ZDHHC8: variants seen among roughly 807,000 people sequenced by gnomAD.
ZDHHC8 encodes zDHHC palmitoyltransferase 8.
Under a neutral mutation model 61.2 loss-of-function variants are expected in ZDHHC8, and 24 were observed. The observed-to-expected ratio is 0.39, with a 90% CI of 0.28 to 0.55. The LOEUF (loss-of-function observed/expected upper bound fraction) is 0.55. Ranked by LOEUF, ZDHHC8 falls within the 20% of genes least tolerant of loss-of-function variation. The probability of loss-of-function intolerance (pLI) is 0.60; values close to 1 mark genes in which losing one functional copy is unlikely to be tolerated. For synonymous variants in ZDHHC8, 523 were observed against 492.5 expected, an observed-to-expected ratio of 1.06 and a Z score of -0.82; for missense variants, 935 against 1,102.1, an observed-to-expected ratio of 0.85 and a Z score of 2.15.
intron 5 of ZDHHC8, 120 bp from the exon 6 acceptor site, chr22:20,140,497 A>T: frequency 1.8e-6 from 2 of 1,108,630 alleles, no homozygotes; most frequent in Non-Finnish European, 2.5e-6. Context: ...GGCTGATCCC[A>T]CCTAAGCCAC....
intron 1 of ZDHHC8, among the ~76,000 whole-genome samples, chr22:20,132,786 G>T (rs1167836769): frequency 2.6e-5 from 4 of 152,248 alleles, no homozygotes; most frequent in Non-Finnish European, 5.9e-5. Flanking sequence ...GATACAGGCT[G>T]GCTTAGGACC....
intron 1 of ZDHHC8, among the ~76,000 whole-genome samples, chr22:20,132,524 GGCCTC>G (rs1294720660): frequency 5.3e-5 from 8 of 152,248 alleles, no homozygotes; most frequent in Non-Finnish European, 7.3e-5. Flanking sequence ...GGTGTGGCCT[GGCCTC>G]GTTGCCACGT....
chr22:20,145,295 G>A lies in ZDHHC8; in HGVS notation c.2193G>A (p.Leu731=). Residue 731 remains leucine, a synonymous_variant, in exon 11 of 11, where the codon CTG becomes CTA. Transcript: ENST00000334554. ...LNGQSPGLAR[L]GPATGPPGPS... ...GGCAGTCCCCGGGCCTGGCCCGGCT[G>A]GGACCTGCCACCGGCCCCCCAGGGC... 6.3e-7 allele frequency: 1 copy of A among 1,590,930 alleles called. No homozygotes were observed.
Position 20,146,411 on chromosome 22 carries a change from A to G in ZDHHC8, c.*1011A>G, listed in dbSNP as rs1380920897. ...GTGTCTGTTTTATGTTTTTATATCT[A>G]CATCTATATATCTATAATTTTATTA... On this transcript the variant is annotated 3_prime_UTR_variant, in exon 11 of 11. Transcript: ENST00000334554. 5 of 984,124 alleles carry G rather than the reference A, an allele frequency of 5.1e-6. No individual in the cohort carries two copies. Among genetic ancestry groups the G allele is most frequent in the South Asian group, 4.7e-5 (1 of 21,268 alleles). 61.0% of individuals were successfully genotyped at this position (984,124 alleles called of 1,614,324 possible). A position where few individuals can be genotyped will look rare whatever the true frequency, so the allele number is the denominator to read the frequency against.
rs111475928 is a variant in ZDHHC8 at position 20,138,822 on chromosome 22, C to T, written c.105-372C>T. On this transcript the variant is annotated intron_variant, in intron 1 of 10. Coordinates refer to ENST00000334554, the MANE Select transcript of ZDHHC8 (RefSeq NM_013373.4). The stretch of plus-strand genomic sequence containing the variant: ...GACAGGCCTGGATGAGGCATCGTGG[C>T]GCATTTTCCATCTGGGGCTCCCACC... 1.0e-3 allele frequency among the ~76,000 whole-genome samples: 156 copies of T among 152,270 alleles called. 1 individual carries two copies. The highest frequency in any genetic ancestry group is 3.6e-3 in the African/African-American group (151 of 41,546).
In ZDHHC8 at chr22:20,146,247, C is replaced by A; in HGVS notation, c.*847C>A. 2 of 985,590 alleles carry A rather than the reference C, an allele frequency of 2.0e-6. No individual in the cohort carries two copies. The highest frequency in any genetic ancestry group is 2.4e-6 in the Non-Finnish European group (2 of 829,942). 61.1% of individuals were successfully genotyped at this position (985,590 alleles called of 1,614,324 possible). On this transcript the variant is annotated 3_prime_UTR_variant, in exon 11 of 11. Transcript: ENST00000334554. Reference sequence around the variant, plus strand: ...GCCCTCCCTGCCAAACTGGAGAACCCCACCCCAAGGCATGCCACGTCCGCA... The same window carrying A: ...GCCCTCCCTGCCAAACTGGAGAACCACACCCCAAGGCATGCCACGTCCGCA...
At chr22:20,135,245 C>A (rs2050409901) in intron 1 of ZDHHC8, among the ~76,000 whole-genome samples, 2 of 152,110 alleles carry the variant, frequency 1.3e-5, no homozygotes, top group South Asian at 4.1e-4. Context: ...CTCCCGGCCC[C>A]TTCCTATGTT....
Position 20,143,258 on chromosome 22 carries a change from A to T in ZDHHC8, c.1628A>T (p.Asn543Ile). ...PREPSPVRYD[N>I]LSRTIMASIQ... ...GAGCCCTCGCCTGTGCGCTACGACAACCTGTCCAGGACCATCATGGCATCC... is the reference window on the plus strand; with the variant it reads ...GAGCCCTCGCCTGTGCGCTACGACATCCTGTCCAGGACCATCATGGCATCC... The change falls in exon 10 of 11, where the codon AAC becomes ATC. Residue 543 changes from asparagine (N) to isoleucine (I), a missense_variant. By Grantham distance (149) the Asn-to-Ile change is moderately radical (BLOSUM62 -3). Transcript: ENST00000334554. The T allele has an allele frequency of 6.2e-7, 1 of 1,606,238 alleles. No individual in the cohort carries two copies. The highest frequency in any genetic ancestry group is 8.5e-7 in the Non-Finnish European group (1 of 1,179,462).
chr22:20,132,807 G>T lies in ZDHHC8; in HGVS notation c.104+756G>T, dbSNP rs1351450037. 3.3e-5 allele frequency among the ~76,000 whole-genome samples: 5 copies of T among 152,378 alleles called. No homozygotes were observed. In the South Asian group the frequency reaches 8.3e-4, roughly 25 times the overall value. On this transcript the variant is annotated intron_variant, in intron 1 of 10. Transcript: ENST00000334554. ...GGCTGGCTTAGGACCAGAGAGGCATGCGGACAGCACAGCCTCCCTCTGTGG... is the reference window on the plus strand; with the variant it reads ...GGCTGGCTTAGGACCAGAGAGGCATTCGGACAGCACAGCCTCCCTCTGTGG...
Position 20,145,525 on chromosome 22 carries a change from G to T in ZDHHC8, c.*125G>T. 7.6e-7 allele frequency: 1 copy of T among 1,312,614 alleles called. No homozygotes were observed. The allele number at this position is 1,312,614 out of a possible 1,614,324, so 81.3% of individuals were successfully genotyped here. A position where few individuals can be genotyped will look rare whatever the true frequency, so the allele number is the denominator to read the frequency against. ...ACCCCAGCCTGGTGTGGACCCATCG[G>T]CGGGAGAGAGTGCCACGCCTCCACA... On this transcript the variant is annotated 3_prime_UTR_variant, in exon 11 of 11. Transcript: ENST00000334554.
chr22:20,133,213 G>C (rs1171109551), intron 1 of ZDHHC8, among the ~76,000 whole-genome samples: 1 of 152,170 alleles, frequency 6.6e-6, no homozygotes, highest in Non-Finnish European at 1.5e-5. Flanking sequence ...GCTCGGGCAA[G>C]CCAGTGTGTT....
Position 20,145,747 on chromosome 22 carries a change from A to G in ZDHHC8, c.*347A>G, listed in dbSNP as rs2050516544. The G allele has an allele frequency of 1.0e-6, 1 of 1,004,836 alleles. No homozygotes were observed. Among genetic ancestry groups the G allele is most frequent in the Non-Finnish European group, 1.2e-6 (1 of 843,072 alleles). 62.2% of individuals were successfully genotyped at this position (1,004,836 alleles called of 1,614,324 possible). ...CTGCCATCACCCAGCACCCCAGATC[A>G]CCGCCAGGCCAGCCCCCAATGGTCC... is the stretch of plus-strand genomic sequence containing the variant. On this transcript the variant is annotated 3_prime_UTR_variant, in exon 11 of 11. Coordinates refer to ENST00000334554, the MANE Select transcript of ZDHHC8 (RefSeq NM_013373.4).
intron 7 of ZDHHC8, 58 bp downstream of exon 7, chr22:20,141,070 C>T: frequency 6.9e-6 from 11 of 1,603,612 alleles, no homozygotes; most frequent in Non-Finnish European, 7.6e-6. Context: ...GGGAAACAGG[C>T]AGGTTGGTGG....
rs1223072439 is a variant in ZDHHC8, at chr22:20,139,494, C to T, written c.243C>T (p.Asp81=). Residue 81 remains aspartate (D), a synonymous_variant, in exon 3 of 11, where the codon GAC becomes GAT. Coordinates refer to ENST00000334554, the MANE Select transcript of ZDHHC8 (RefSeq NM_013373.4). ...GGTCTGTAGCGGATGAGGATGAGGACAAGGAGGACGACTTCCGGGCTCCGC... is the reference window on the plus strand; with the variant it reads ...GGTCTGTAGCGGATGAGGATGAGGATAAGGAGGACGACTTCCGGGCTCCGC... ...GVFPRADEDE[D]KEDDFRAPLY... The T allele has an allele frequency of 1.9e-6, 3 of 1,613,532 alleles. No individual in the cohort carries two copies. The highest frequency in any genetic ancestry group is 2.5e-6 in the Non-Finnish European group (3 of 1,179,996).
intron 9 of ZDHHC8, among the ~76,000 whole-genome samples, chr22:20,141,938 A>G (rs1344322321): frequency 2.6e-5 from 4 of 152,244 alleles, no homozygotes; most frequent in African/African-American, 9.6e-5. Flanking sequence ...GAAGAATTTG[A>G]GACGTGCTTG....
chr22:20,135,859 C>T lies in ZDHHC8; in HGVS notation c.105-3335C>T, dbSNP rs549070948. 1.8e-4 allele frequency among the ~76,000 whole-genome samples: 28 copies of T among 152,376 alleles called. 1 individual carries two copies. Among genetic ancestry groups the T allele is most frequent in the Admixed American group, 7.2e-4 (11 of 15,310 alleles). On this transcript the variant is annotated intron_variant, in intron 1 of 10. Transcript: ENST00000334554. ...TGCCCCGCCGGTCCCGAGCGCCCCA[C>T]GGGCGAGTGCCACTCATACACAAAC...
rs2050376741 is a variant in ZDHHC8 at position 20,131,890 on chromosome 22, C to CCTG, written c.-57_-56insTGC. ...GCCCGCCCGCCCGACCCCGGCCCGA[C>CCTG]CCCGGCCGGCCCTGCCCGCCCGGCC... On this transcript the variant is annotated 5_prime_UTR_variant, in exon 1 of 11. Transcript: ENST00000334554. 3.8e-6 allele frequency: 3 copies of CCTG among 796,896 alleles called. No individual in the cohort carries two copies. The Admixed American group carries it at 1.9e-4, about 50-fold the overall frequency. The allele number at this position is 796,896 out of a possible 1,614,324, so 49.4% of individuals were successfully genotyped here.
intron 5 of ZDHHC8, 108 bp from the exon 6 acceptor site, chr22:20,140,509 T>A: frequency 1.6e-6 from 2 of 1,217,104 alleles, no homozygotes; most frequent in African/African-American, 3.1e-5. Context: ...CTAAGCCACT[T>A]CCCGCAAGTA....
chr22:20,131,872 CGCCCGACCCCG>C lies in ZDHHC8; in HGVS notation c.-61_-51del, dbSNP rs908066028. 40 of 406,588 alleles carry C rather than the reference CGCCCGACCCCG, an allele frequency of 9.8e-5. No homozygotes were observed. Among genetic ancestry groups the C allele is most frequent in the Middle Eastern group, 1.2e-3 (1 of 836 alleles). 25.2% of individuals were successfully genotyped at this position (406,588 alleles called of 1,614,324 possible). On this transcript the variant is annotated 5_prime_UTR_variant, in exon 1 of 11. Coordinates refer to ENST00000334554, the MANE Select transcript of ZDHHC8 (RefSeq NM_013373.4). Reference sequence around the variant, plus strand: ...GGTCCTGCGCCGCGTCCAGCCCGCCCGCCCGACCCCGGCCCGACCCCGGCCGGCCCTGCCCG... The same window carrying C: ...GGTCCTGCGCCGCGTCCAGCCCGCCCGCCCGACCCCGGCCGGCCCTGCCCG...
Sources: gnomAD v4.1 joint callset for allele counts (sites outside exome capture counted in the v4.1 genomes callset) on GRCh38, gnomAD v4.1.1 for gene constraint, MANE v1.5 for transcripts, NCBI Gene and HGNC (gene_info 2026-07-23, HGNC 2026-07-21) for gene names.